The following PACS1 variants were observed in gnomAD, a reference collection of about 807,000 sequenced individuals.
The protein encoded by PACS1 is phosphofurin acidic cluster sorting protein 1.
In PACS1, 24 loss-of-function variants were observed where a neutral mutation model predicts 115.0. That is an observed-to-expected ratio of 0.21 (90% CI 0.15 to 0.29). The LOEUF (loss-of-function observed/expected upper bound fraction) is 0.29, where lower values mean the gene tolerates loss of function less well. Among genes scored for constraint, PACS1 ranks in the 10% least tolerant of loss-of-function variants. The probability of loss-of-function intolerance (pLI) is 1.00; values close to 1 mark genes in which losing one functional copy is unlikely to be tolerated. For missense variants in PACS1, 838 were observed against 1,251.2 expected (o/e 0.67, Z 4.98); for synonymous variants, 453 against 504.5 (o/e 0.90, Z 1.37).
At position 66,239,162 on chromosome 11, in the gene PACS1, G is replaced by A. The variant is rs754829351; in HGVS notation, c.2314G>A (p.Val772Met). The stretch of plus-strand genomic sequence containing the variant: ...GACAGGCGATGGGGACGATTCTCCT[G>A]TGGTCAGCCTTACTGTGCCCTCCAC... ...STAGDGDDSPVVSLTVPSTSP... is the reference protein window; with the variant it reads ...STAGDGDDSPMVSLTVPSTSP... Residue 772 changes from valine (V) to methionine (M), a missense_variant, in exon 21 of 24, where the codon GTG becomes ATG. Physicochemically the swap from Val to Met is conservative, Grantham distance 21. Coordinates refer to ENST00000320580, the MANE Select transcript of PACS1 (RefSeq NM_018026.4). The A allele has an allele frequency of 5.0e-6, 8 of 1,614,176 alleles. No homozygotes were observed. Among genetic ancestry groups the A allele is most frequent in the Non-Finnish European group, 6.8e-6 (8 of 1,180,024 alleles).
chr11:66,107,844 GT>G (rs1858086452), intron 1 of PACS1, among the ~76,000 whole-genome samples: 1 of 152,198 alleles, frequency 6.6e-6, no homozygotes, highest in Non-Finnish European at 1.5e-5. Context: ...GCTTAACAGT[GT>G]TTCACTCTTG....
At chr11:66,135,520 A>G (rs1378167216) in intron 1 of PACS1, among the ~76,000 whole-genome samples, 1 of 152,208 alleles carries the variant, frequency 6.6e-6, no homozygotes, top group African/African-American at 2.4e-5. Context: ...ACTTTAGTTG[A>G]TAAATTACTA....
chr11:66,183,369 C>A (rs1412033517), intron 1 of PACS1, among the ~76,000 whole-genome samples: 2 of 152,092 alleles, frequency 1.3e-5, no homozygotes, highest in Non-Finnish European at 2.9e-5. Flanking sequence ...CAAAGGAAAA[C>A]CTTTTTCACA....
At chr11:66,221,360 C>G in intron 10 of PACS1, 113 bp downstream of exon 10, 1 of 926,826 alleles carries the variant, frequency 1.1e-6, no homozygotes, top group East Asian at 2.6e-5. Context: ...GAAAAGTGGC[C>G]CCATTGGCTG....
chr11:66,210,658 A>G (rs1177069669), intron 3 of PACS1, among the ~76,000 whole-genome samples: 1 of 152,164 alleles, frequency 6.6e-6, no homozygotes, highest in East Asian at 1.9e-4. Flanking sequence ...AGACCTGGGT[A>G]GGCACCGTGG....
At chr11:66,215,400 C>T (rs12221537) in intron 4 of PACS1, among the ~76,000 whole-genome samples, 7 of 150,698 alleles carry the variant, frequency 4.6e-5, no homozygotes, top group African/African-American at 1.2e-4. Flanking sequence ...CCCAAGATTT[C>T]GAGATCAGAC....
chr11:66,121,248 C>T lies in PACS1; in HGVS notation c.356+50406C>T, dbSNP rs76534908. On this transcript the variant is annotated intron_variant, in intron 1 of 23. Transcript: ENST00000320580. ...TGCCATGAACCGCATCCGTGCGAGA[C>T]GTTAGACGTAATTGATAATGTTGGC... is the stretch of plus-strand genomic sequence containing the variant. 3.2e-3 allele frequency among the ~76,000 whole-genome samples: 487 copies of T among 152,240 alleles called. 11 individuals are homozygous for T. Among genetic ancestry groups the T allele is most frequent in the Admixed American group, 0.026 (391 of 15,276 alleles).
At chr11:66,096,230 T>C (rs1160446457) in intron 1 of PACS1, among the ~76,000 whole-genome samples, 115 of 143,550 alleles carry the variant, frequency 8.0e-4, no homozygotes, top group Non-Finnish European at 1.4e-3. Flanking sequence ...TTTTTTTTTT[T>C]TTTGATGTAG....
chr11:66,124,185 T>A (rs902171780), intron 1 of PACS1, among the ~76,000 whole-genome samples: 4 of 152,236 alleles, frequency 2.6e-5, no homozygotes, highest in African/African-American at 7.2e-5. Flanking sequence ...TGGAGCATAA[T>A]AGGAGCTCTG....
intron 1 of PACS1, among the ~76,000 whole-genome samples, chr11:66,188,565 G>A (rs1854441232): frequency 6.6e-6 from 1 of 152,136 alleles, no homozygotes; most frequent in African/African-American, 2.4e-5. Context: ...TTCTGCTGTA[G>A]AAAAACCAAT....
chr11:66,075,268 T>G (rs1001901625), intron 1 of PACS1, among the ~76,000 whole-genome samples: 3 of 151,996 alleles, frequency 2.0e-5, no homozygotes. Context: ...TGAGACACAG[T>G]CTTGCTTTTT....
intron 1 of PACS1, among the ~76,000 whole-genome samples, chr11:66,176,475 G>A (rs954954314): frequency 1.3e-5 from 2 of 150,424 alleles, no homozygotes; most frequent in Admixed American, 6.6e-5. Context: ...GTGCAGTGGC[G>A]TGATCTCGGC....
At position 66,200,057 on chromosome 11, in the gene PACS1, AAAC is replaced by A. The variant is rs1565144035; in HGVS notation, c.444+6487_444+6489del. ...CAAAAACAAAACAAAACAAAAAAAA[AAAC>A]AAGACCCAGCTAGGCACAGTGGCTC... On this transcript the variant is annotated intron_variant, in intron 2 of 23. Coordinates refer to ENST00000320580, the MANE Select transcript of PACS1 (RefSeq NM_018026.4). Among the ~76,000 whole-genome samples the A allele has an allele frequency of 4.0e-5, 6 of 151,084 alleles. No homozygotes were observed. The South Asian group carries it at 1.0e-3, about 26-fold the overall frequency.
chr11:66,202,742 A>AAATATATATATAT (rs1200930188), intron 2 of PACS1, among the ~76,000 whole-genome samples: 2 of 71,606 alleles, frequency 2.8e-5, no homozygotes, highest in African/African-American at 7.9e-5. Flanking sequence ...AAAAAAAAAA[A>AAATATATATATAT]ATATATATAT....
chr11:66,134,596 A>C (rs946432590), intron 1 of PACS1, among the ~76,000 whole-genome samples: 7 of 151,858 alleles, frequency 4.6e-5, no homozygotes, highest in Non-Finnish European at 7.4e-5. Context: ...CTGGCTGTAA[A>C]AGCATTTCCA....
At chr11:66,234,570 G>A (rs1855669154) in intron 17 of PACS1, among the ~76,000 whole-genome samples, 1 of 152,232 alleles carries the variant, frequency 6.6e-6, no homozygotes, top group African/African-American at 2.4e-5. Context: ...TGACAAAGCA[G>A]TCACTTGATA....
intron 1 of PACS1, among the ~76,000 whole-genome samples, chr11:66,076,887 T>C (rs1857409361): frequency 2.6e-5 from 4 of 152,220 alleles, no homozygotes; most frequent in Non-Finnish European, 2.9e-5. Context: ...TATTGAGGGC[T>C]CTTGAGGAAA....
At position 66,232,387 on chromosome 11, in the gene PACS1, C is replaced by T. The variant is rs1855615748; in HGVS notation, c.1731+111C>T. On this transcript the variant is annotated intron_variant, in intron 14 of 23. Transcript: ENST00000320580. The stretch of plus-strand genomic sequence containing the variant: ...GCGTGGGGAGGTGGGGAACTCACCC[C>T]TCCATCAGCCCCCACCTGCTCTGAA... 8 of 648,072 alleles carry T rather than the reference C, an allele frequency of 1.2e-5. No homozygotes were observed. The East Asian group carries it at 2.2e-4, about 18-fold the overall frequency. 40.1% of individuals were successfully genotyped at this position (648,072 alleles called of 1,614,324 possible).
In PACS1 at chr11:66,070,415, CGCCGCCGCG is replaced by C. The variant is rs1282195868; in HGVS notation, c.-70_-62del. On this transcript the variant is annotated 5_prime_UTR_variant, in exon 1 of 24. Coordinates refer to ENST00000320580, the MANE Select transcript of PACS1 (RefSeq NM_018026.4). This position sits in a 1 kb window ranked among gnomAD's most constrained non-coding sequence, Gnocchi z 5.9. ...GAGGAGGCTGCCGCGCCCCCGCCGCCGCCGCCGCGGGGGAAGCCTGGGAGCCAGATCGGC... is the reference window on the plus strand; with the variant it reads ...GAGGAGGCTGCCGCGCCCCCGCCGCCGGGGAAGCCTGGGAGCCAGATCGGC... The C allele has an allele frequency of 1.0e-6, 1 of 987,474 alleles. No homozygotes were observed. The highest frequency in any genetic ancestry group is 1.7e-5 in the African/African-American group (1 of 58,606). 61.2% of individuals were successfully genotyped at this position (987,474 alleles called of 1,614,324 possible). A position where few individuals can be genotyped will look rare whatever the true frequency, so the allele number is the denominator to read the frequency against.
Sources: gnomAD v4.1 joint callset for allele counts (sites outside exome capture counted in the v4.1 genomes callset) on GRCh38, gnomAD v4.1.1 for gene constraint, Gnocchi (gnomAD v3.1) non-coding constraint, MANE v1.5 for transcripts, NCBI Gene and HGNC (gene_info 2026-07-23, HGNC 2026-07-21) for gene names.